Variants in DPYSL5 observed in about 807,000 individuals in gnomAD.
The protein encoded by DPYSL5 is dihydropyrimidinase-related protein 5.
A neutral mutation model predicts 58.4 loss-of-function variants in DPYSL5; 9 were observed. The observed-to-expected ratio is 0.15, with a 90% CI of 0.09 to 0.27. The LOEUF (loss-of-function observed/expected upper bound fraction) is 0.27. Among genes scored for constraint, DPYSL5 ranks in the 10% least tolerant of loss-of-function variants. The pLI is 1.00. For synonymous variants in DPYSL5, 293 were observed against 301.9 expected (o/e 0.97, Z 0.31); for missense variants, 499 against 770.6 (o/e 0.65, Z 4.17).
chr2:26,909,969 A>G (rs1393456317), intron 2 of DPYSL5, among the ~76,000 whole-genome samples: 1 of 152,232 alleles, frequency 6.6e-6, no homozygotes, highest in African/African-American at 2.4e-5. Flanking sequence ...CCATCACAAT[A>G]TAATAAACAT....
At chr2:26,875,754 C>T (rs1466017627) in intron 1 of DPYSL5, among the ~76,000 whole-genome samples, 1 of 152,078 alleles carries the variant, frequency 6.6e-6, no homozygotes, top group African/African-American at 2.4e-5. Context: ...ATCTGGCCAG[C>T]CTTTCAGGGA....
rs968193482 is a variant in DPYSL5, at chr2:26,933,153, G to C, written c.715-105G>C. ...CACCTTGAGGGTGGGGTTGAGTGACGCAGGGGGAGGCGCTGGTGCCAGGGC... is the reference window on the plus strand; with the variant it reads ...CACCTTGAGGGTGGGGTTGAGTGACCCAGGGGGAGGCGCTGGTGCCAGGGC... On this transcript the variant is annotated intron_variant, in intron 6 of 12. Coordinates refer to ENST00000288699, the MANE Select transcript of DPYSL5 (RefSeq NM_020134.4). The surrounding 1 kb of genome is among the most constrained non-coding windows in gnomAD (Gnocchi z 4.2). The C allele has an allele frequency of 2.1e-6, 2 of 975,258 alleles. No individual in the cohort carries two copies. The highest frequency in any genetic ancestry group is 3.2e-5 in the African/African-American group (2 of 62,682). 60.4% of individuals were successfully genotyped at this position (975,258 alleles called of 1,614,324 possible). A position where few individuals can be genotyped will look rare whatever the true frequency, so the allele number is the denominator to read the frequency against.
intron 1 of DPYSL5, among the ~76,000 whole-genome samples, chr2:26,864,699 G>T (rs1294501658): frequency 6.6e-6 from 1 of 152,244 alleles, no homozygotes; most frequent in Non-Finnish European, 1.5e-5. Flanking sequence ...ACGCTAGGCA[G>T]AGGGATGAGT....
intron 1 of DPYSL5, among the ~76,000 whole-genome samples, chr2:26,857,081 A>G (rs1346919150): frequency 5.9e-5 from 9 of 152,026 alleles, no homozygotes; most frequent in Admixed American, 2.0e-4. Flanking sequence ...TCTTGAGGAA[A>G]AGATGAAAAT....
At chr2:26,895,622 G>A (rs945567914) in intron 1 of DPYSL5, among the ~76,000 whole-genome samples, 11 of 151,888 alleles carry the variant, frequency 7.2e-5, no homozygotes, top group Non-Finnish European at 1.3e-4. Context: ...AGAATACAAT[G>A]TTATTATTAA....
At chr2:26,910,581 A>G (rs1333309585) in intron 2 of DPYSL5, among the ~76,000 whole-genome samples, 2 of 148,226 alleles carry the variant, frequency 1.3e-5, no homozygotes, top group Non-Finnish European at 3.0e-5. Context: ...AAATCTGAAT[A>G]TAAGAGTTGT....
At chr2:26,856,944 A>C (rs1199446611) in intron 1 of DPYSL5, among the ~76,000 whole-genome samples, 2 of 148,218 alleles carry the variant, frequency 1.3e-5, no homozygotes, top group Non-Finnish European at 3.0e-5. Context: ...TGTATATATA[A>C]TATATATTAT....
chr2:26,895,934 C>T (rs1664009728), intron 1 of DPYSL5, among the ~76,000 whole-genome samples: 1 of 151,854 alleles, frequency 6.6e-6, no homozygotes, highest in Admixed American at 6.6e-5. Flanking sequence ...CACCCACCAC[C>T]ACGCCCGGCT....
At chr2:26,856,360 T>G (rs998515350) in intron 1 of DPYSL5, among the ~76,000 whole-genome samples, 1 of 152,364 alleles carries the variant, frequency 6.6e-6, no homozygotes, top group Non-Finnish European at 1.5e-5. Context: ...CAATCAGCTT[T>G]GCCTATTTTT....
chr2:26,870,198 G>A (rs1485179849), intron 1 of DPYSL5, among the ~76,000 whole-genome samples: 3 of 152,082 alleles, frequency 2.0e-5, no homozygotes, highest in African/African-American at 7.2e-5. Context: ...AATGATATTT[G>A]CTGTTGGTTT....
Position 26,851,605 on chromosome 2 carries a change from T to C in DPYSL5, c.-5+3351T>C, listed in dbSNP as rs1395910953. On this transcript the variant is annotated intron_variant, in intron 1 of 12. Coordinates refer to ENST00000288699, the MANE Select transcript of DPYSL5 (RefSeq NM_020134.4). Reference sequence around the variant, plus strand: ...TGATCCTGCATTAGCTCCACGGGACTATAAGCCAAAGGACAGCATGACTAT... The same window carrying C: ...TGATCCTGCATTAGCTCCACGGGACCATAAGCCAAAGGACAGCATGACTAT... Among the ~76,000 whole-genome samples the C allele has an allele frequency of 2.6e-5, 4 of 152,130 alleles. No individual in the cohort carries two copies. The East Asian group carries it at 7.7e-4, about 29-fold the overall frequency.
At chr2:26,872,782 C>T (rs1380811617) in intron 1 of DPYSL5, among the ~76,000 whole-genome samples, 3 of 132,554 alleles carry the variant, frequency 2.3e-5, no homozygotes, top group African/African-American at 7.8e-5. Context: ...GCACTCCAGC[C>T]TGGGCAACAG....
intron 2 of DPYSL5, among the ~76,000 whole-genome samples, chr2:26,913,277 C>G (rs1386952888): frequency 6.6e-6 from 1 of 152,198 alleles, no homozygotes; most frequent in South Asian, 2.1e-4. Context: ...ATTCCTCCCT[C>G]CCCTAGTCCC....
At chr2:26,850,305 C>T (rs1201508807) in intron 1 of DPYSL5, among the ~76,000 whole-genome samples, 1 of 152,072 alleles carries the variant, frequency 6.6e-6, no homozygotes, top group African/African-American at 2.4e-5. Context: ...GCTGCTTGCC[C>T]GTGGGAAAGC....
intron 5 of DPYSL5, among the ~76,000 whole-genome samples, chr2:26,928,560 T>C (rs777244928): frequency 1.3e-5 from 2 of 150,394 alleles, no homozygotes; most frequent in Non-Finnish European, 3.0e-5. Context: ...TAGCTGGGCA[T>C]AGTGGTGCAT....
intron 5 of DPYSL5, among the ~76,000 whole-genome samples, chr2:26,931,197 G>GTATATATA (rs1345488521): frequency 1.1e-4 from 6 of 52,496 alleles, no homozygotes; most frequent in African/African-American, 2.4e-4. Flanking sequence ...GTGTGTGTGT[G>GTATATATA]TGTGTGTATA....
chr2:26,933,141 G>A lies in DPYSL5; in HGVS notation c.715-117G>A. 2 of 861,520 alleles carry A rather than the reference G, an allele frequency of 2.3e-6. No homozygotes were observed. The highest frequency in any genetic ancestry group is 4.0e-6 in the Non-Finnish European group (2 of 504,972). 53.4% of individuals were successfully genotyped at this position (861,520 alleles called of 1,614,324 possible). A position where few individuals can be genotyped will look rare whatever the true frequency, so the allele number is the denominator to read the frequency against. On this transcript the variant is annotated intron_variant, in intron 6 of 12. Coordinates refer to ENST00000288699, the MANE Select transcript of DPYSL5 (RefSeq NM_020134.4). The surrounding 1 kb of genome is among the most constrained non-coding windows in gnomAD (Gnocchi z 4.2). ...CTTAAGGACTGTCACCTTGAGGGTG[G>A]GGTTGAGTGACGCAGGGGGAGGCGC...
intron 2 of DPYSL5, among the ~76,000 whole-genome samples, chr2:26,900,291 A>G (rs764707825): frequency 6.6e-6 from 1 of 152,214 alleles, no homozygotes; most frequent in Non-Finnish European, 1.5e-5. Context: ...CATACAATTC[A>G]TGTATTTAAA....
chr2:26,933,813 G>A lies in DPYSL5; in HGVS notation c.790+480G>A, dbSNP rs1232928147. 6.6e-6 allele frequency among the ~76,000 whole-genome samples: 1 copy of A among 152,124 alleles called. No homozygotes were observed. Among genetic ancestry groups the A allele is most frequent in the Non-Finnish European group, 1.5e-5 (1 of 68,018 alleles). On this transcript the variant is annotated intron_variant, in intron 7 of 12. Transcript: ENST00000288699. This position sits in a 1 kb window ranked among gnomAD's most constrained non-coding sequence, Gnocchi z 4.2. ...GTATGAGTCCGAGGGGCACTTGTAT[G>A]GCTTCTGTTGCGGATCGCCTGGCAG... is the stretch of plus-strand genomic sequence containing the variant.
Sources: allele counts gnomAD v4.1 joint callset (sites outside exome capture counted in the v4.1 genomes callset), GRCh38; gene constraint gnomAD v4.1.1; non-coding constraint Gnocchi (gnomAD v3.1); transcripts MANE v1.5; gene names NCBI Gene and HGNC (gene_info 2026-07-23, HGNC 2026-07-21).